PCDHA4: variants seen among roughly 807,000 people sequenced by gnomAD.
PCDHA4 encodes the protein protocadherin alpha 4.
In PCDHA4, 49 loss-of-function variants were observed where a neutral mutation model predicts 61.4. The observed-to-expected ratio is 0.80, with a 90% CI of 0.63 to 1.01. The LOEUF (loss-of-function observed/expected upper bound fraction) is 1.01. Among genes scored for constraint, PCDHA4 ranks in the 50% least tolerant of loss-of-function variants. PCDHA4 has a pLI of 0.00. For synonymous variants in PCDHA4, 590 were observed against 550.3 expected (o/e 1.07, Z -1.01); for missense variants, 1,254 against 1,235.8 (o/e 1.01, Z -0.22).
At position 141,009,699 on chromosome 5, in the gene PCDHA4, G is replaced by A. The variant is rs1554262287; in HGVS notation, c.2606G>A (p.Gly869Glu). Residue 869 changes from glycine to glutamate, a missense_variant, in exon 4 of 4, where the codon GGA becomes GAA. Gly to Glu is a moderately conservative substitution (Grantham distance 98, BLOSUM62 -2). Transcript: ENST00000530339. ...AGCAACAGCTGGACCTTTAAATACG[G>A]ACCAGGCAACCCCAAACAATCCGGT... Reference protein sequence around the residue: ...VNSNSWTFKYGPGNPKQSGPG... With the variant: ...VNSNSWTFKYEPGNPKQSGPG... 1 of 1,614,030 alleles carries A rather than the reference G, an allele frequency of 6.2e-7. No individual in the cohort carries two copies. The highest frequency in any genetic ancestry group is 8.5e-7 in the Non-Finnish European group (1 of 1,180,010).
chr5:140,831,947 A>G (rs1581926108), intron 1 of PCDHA4, among the ~76,000 whole-genome samples: 1 of 152,334 alleles, frequency 6.6e-6, no homozygotes, highest in East Asian at 1.9e-4. Flanking sequence ...AGAGGAAAAG[A>G]AAAACTTTAT....
chr5:140,951,716 C>T (rs2094623458), intron 1 of PCDHA4, among the ~76,000 whole-genome samples: 1 of 152,102 alleles, frequency 6.6e-6, no homozygotes, highest in South Asian at 2.1e-4. Flanking sequence ...GGACACAGAT[C>T]CAAACCATGT....
chr5:140,836,668 A>G (rs1404155432), intron 1 of PCDHA4: 5 of 1,613,218 alleles, frequency 3.1e-6, no homozygotes, highest in East Asian at 4.5e-5. Context: ...TGCTCTGGGG[A>G]GGGCCCACCC....
chr5:140,850,583 C>T, intron 1 of PCDHA4: 2 of 1,598,412 alleles, frequency 1.3e-6, no homozygotes, highest in South Asian at 1.1e-5. Context: ...TGGTGGATGT[C>T]AACGTGTACC....
chr5:140,861,768 T>TACCA (rs3834243), intron 1 of PCDHA4: 106,057 of 158,892 alleles, frequency 0.67, 35,632 homozygotes, highest in African/African-American at 0.71. Flanking sequence ...TCCCTGGAAA[T>TACCA]ACCAAGAGCA....
intron 1 of PCDHA4, chr5:140,865,406 G>A (rs899888055): frequency 4.6e-5 from 7 of 152,130 alleles, no homozygotes; most frequent in African/African-American, 1.4e-4. Flanking sequence ...ATGCTGAAAA[G>A]GAATTAGTAG....
rs782751899 is a variant in PCDHA4 at position 140,967,272 on chromosome 5, T to G, written c.2386-11677T>G. The G allele has an allele frequency of 1.2e-6, 2 of 1,613,412 alleles. No homozygotes were observed. Among genetic ancestry groups the G allele is most frequent in the East Asian group, 2.2e-5 (1 of 44,860 alleles). On this transcript the variant is annotated intron_variant, in intron 1 of 3. Transcript: ENST00000530339. ...GTGGCGCCTGGAGCGCGCTTTCACA[T>G]AGAGAGTGCGCAGGACCCCGACGTG...
chr5:140,854,198 CT>C, intron 1 of PCDHA4: 1 of 547,978 alleles, frequency 1.8e-6, no homozygotes, highest in Non-Finnish European at 2.3e-6. Flanking sequence ...CTACTCCCTA[CT>C]TTTTATTCAA....
rs532609088 is a variant in PCDHA4, at chr5:140,890,699, T to A, written c.2385+81127T>A. 2.6e-5 allele frequency among the ~76,000 whole-genome samples: 4 copies of A among 152,312 alleles called. No homozygotes were observed. In the East Asian group the frequency reaches 7.7e-4, roughly 29 times the overall value. On this transcript the variant is annotated intron_variant, in intron 1 of 3. Transcript: ENST00000530339. ...CTCCTTCTGGGAAATGCAGGGACCT[T>A]ACATTTTTAAAATCTTTTTAATCCC... is the stretch of plus-strand genomic sequence containing the variant.
chr5:140,856,825 A>C lies in PCDHA4; in HGVS notation c.2385+47253A>C, dbSNP rs782049467. On this transcript the variant is annotated intron_variant, in intron 1 of 3. Coordinates refer to ENST00000530339, the MANE Select transcript of PCDHA4 (RefSeq NM_018907.4). Reference sequence around the variant, plus strand: ...ATGAAAATCAAGTGAACCAAACATTAGTAATACGGCTCAACGCTTCTGATT... The same window carrying C: ...ATGAAAATCAAGTGAACCAAACATTCGTAATACGGCTCAACGCTTCTGATT... 1 of 1,592,052 alleles carries C rather than the reference A, an allele frequency of 6.3e-7. No individual in the cohort carries two copies. The highest frequency in any genetic ancestry group is 1.7e-5 in the Admixed American group (1 of 59,160).
At chr5:140,986,005 C>G (rs912493095) in intron 3 of PCDHA4, among the ~76,000 whole-genome samples, 1 of 152,040 alleles carries the variant, frequency 6.6e-6, no homozygotes, top group African/African-American at 2.4e-5. Flanking sequence ...TCCCAAAGTG[C>G]TGGGATTACA....
chr5:141,001,478 A>G, intron 3 of PCDHA4, among the ~76,000 whole-genome samples: 1 of 152,236 alleles, frequency 6.6e-6, no homozygotes, highest in Non-Finnish European at 1.5e-5. Context: ...GCAGCGGGGA[A>G]GTGCTGGAAA....
rs1272799738 is a variant in PCDHA4 at position 140,969,033 on chromosome 5, T to C, written c.2386-9916T>C. On this transcript the variant is annotated intron_variant, in intron 1 of 3. Coordinates refer to ENST00000530339, the MANE Select transcript of PCDHA4 (RefSeq NM_018907.4). ...GTAAGGGAAAGGTCCCCTGCAGAAC[T>C]GTACAAACAAGCCAACAACAATATT... 5 of 1,614,028 alleles carry C rather than the reference T, an allele frequency of 3.1e-6. No individual in the cohort carries two copies. Among genetic ancestry groups the C allele is most frequent in the Admixed American group, 3.3e-5 (2 of 60,006 alleles).
Position 140,968,523 on chromosome 5 carries a change from A to T in PCDHA4, c.2386-10426A>T, listed in dbSNP as rs1441549667. ...CACATTCTGTACCCTACCTCAACCA[A>T]CTCGTCAGCAGCCTTCGAGATGGTG... On this transcript the variant is annotated intron_variant, in intron 1 of 3. Coordinates refer to ENST00000530339, the MANE Select transcript of PCDHA4 (RefSeq NM_018907.4). The T allele has an allele frequency of 1.3e-5, 21 of 1,613,762 alleles. No individual in the cohort carries two copies. Among genetic ancestry groups the T allele is most frequent in the Non-Finnish European group, 1.8e-5 (21 of 1,179,980 alleles).
chr5:140,811,542 A>G (rs1410589900), intron 1 of PCDHA4: 2 of 152,144 alleles, frequency 1.3e-5, no homozygotes, highest in East Asian at 3.8e-4. Context: ...GTCAAATGGT[A>G]TTTCTAGTTC....
At chr5:140,975,154 G>C (rs73268051) in intron 1 of PCDHA4, among the ~76,000 whole-genome samples, 1,571 of 152,266 alleles carry the variant, frequency 0.01, 23 homozygotes, top group African/African-American at 0.036. Flanking sequence ...TCAGTTCCTA[G>C]AGAACTGAGG....
rs559093543 is a variant in PCDHA4 at position 140,936,623 on chromosome 5, A to G, written c.2386-42326A>G. Among the ~76,000 whole-genome samples, 3 of 152,312 alleles carry G rather than the reference A, an allele frequency of 2.0e-5. No individual in the cohort carries two copies. The East Asian group carries it at 5.8e-4, about 29-fold the overall frequency. On this transcript the variant is annotated intron_variant, in intron 1 of 3. Transcript: ENST00000530339. ...TTCCTCGCTGCTACTGTGCAGTGCT[A>G]CCTTTGTCATAAGCAACGTGACTTT...
At chr5:140,862,665 G>A (rs1437192786) in intron 1 of PCDHA4, 12 of 547,492 alleles carry the variant, frequency 2.2e-5, no homozygotes, top group Admixed American at 9.6e-5. Flanking sequence ...ACCGGGACGC[G>A]CAGGAGAACG....
chr5:140,864,709 T>C (rs2048574243), intron 1 of PCDHA4: 1 of 152,268 alleles, frequency 6.6e-6, no homozygotes, highest in South Asian at 2.1e-4. Flanking sequence ...TGTTGAGCTC[T>C]TCTACTATTT....
Sources: gnomAD v4.1 joint callset for allele counts (sites outside exome capture counted in the v4.1 genomes callset) on GRCh38, gnomAD v4.1.1 for gene constraint, MANE v1.5 for transcripts, NCBI Gene and HGNC (gene_info 2026-07-23, HGNC 2026-07-21) for gene names.